Variants in SFXN5 observed in about 807,000 individuals in gnomAD.
SFXN5 encodes sideroflexin-5.
SFXN5 carries 43 observed loss-of-function variants against 50.2 expected under a neutral mutation model. The observed-to-expected ratio is 0.86, with a 90% CI of 0.67 to 1.11. The LOEUF is 1.11. SFXN5 is among the 50% of genes least tolerant of loss of function. The pLI is 0.00. For missense variants in SFXN5, 463 were observed against 454.1 expected (o/e 1.02, Z -0.18); for synonymous variants, 203 against 185.8 (o/e 1.09, Z -0.75).
chr2:72,997,329 A>G (rs999070008), intron 9 of SFXN5: 1 of 152,248 alleles, frequency 6.6e-6, no homozygotes, highest in African/African-American at 2.4e-5. Flanking sequence ...AGCCGTGAAC[A>G]GTTATTATAC....
intron 2 of SFXN5, among the ~76,000 whole-genome samples, chr2:73,046,408 CAAA>C (rs113423799): frequency 5.6e-5 from 6 of 108,072 alleles, no homozygotes; most frequent in Admixed American, 2.0e-4. Flanking sequence ...GACTCCATCT[CAAA>C]AAAAAAAAAA....
At chr2:72,983,209 G>A (rs1025943182) in intron 10 of SFXN5, among the ~76,000 whole-genome samples, 69 of 152,192 alleles carry the variant, frequency 4.5e-4, no homozygotes, top group African/African-American at 1.5e-3. Flanking sequence ...GTGTGGCCTT[G>A]GGGAGAAGGG....
intron 9 of SFXN5, among the ~76,000 whole-genome samples, chr2:72,994,385 T>C (rs1672966556): frequency 6.6e-6 from 1 of 152,162 alleles, no homozygotes; most frequent in Non-Finnish European, 1.5e-5. Context: ...GAACCCCTTC[T>C]TCTATGCCAG....
chr2:73,019,892 A>C (rs1020004237), intron 6 of SFXN5: 8 of 207,036 alleles, frequency 3.9e-5, no homozygotes, highest in African/African-American at 1.9e-4. Context: ...TTAAACTTTG[A>C]TTTTTCAGAA....
At position 73,026,062 on chromosome 2, in the gene SFXN5, G is replaced by C. The variant is rs1212209319; in HGVS notation, c.250-2848C>G. Reference sequence around the variant, plus strand: ...GACCCACAAGAGGGCTGGATTCGTGGACAGGCCATCAGCGCAATGCTGAGA... The same window carrying C: ...GACCCACAAGAGGGCTGGATTCGTGCACAGGCCATCAGCGCAATGCTGAGA... On this transcript the variant is annotated intron_variant, in intron 3 of 13. Coordinates refer to ENST00000272433, the MANE Select transcript of SFXN5 (RefSeq NM_144579.3). Among the ~76,000 whole-genome samples the C allele has an allele frequency of 2.0e-5, 3 of 152,076 alleles. No individual in the cohort carries two copies. In the South Asian group the frequency reaches 6.2e-4, roughly 32 times the overall value.
chr2:72,976,664 C>T (rs904794820), intron 10 of SFXN5, among the ~76,000 whole-genome samples: 1 of 152,162 alleles, frequency 6.6e-6, no homozygotes, highest in Non-Finnish European at 1.5e-5. Flanking sequence ...GTGAAGGAGG[C>T]TTAGACTCCA....
chr2:72,976,242 T>C (rs1670604725), intron 10 of SFXN5, among the ~76,000 whole-genome samples: 1 of 152,116 alleles, frequency 6.6e-6, no homozygotes, highest in Admixed American at 6.6e-5. Flanking sequence ...GAATTTTCTA[T>C]AATATTTAAA....
At chr2:73,029,386 C>T (rs560507824) in intron 3 of SFXN5, among the ~76,000 whole-genome samples, 1 of 152,250 alleles carries the variant, frequency 6.6e-6, no homozygotes, top group African/African-American at 2.4e-5. Context: ...AGAACGTGCT[C>T]AATAGTTTTG....
intron 11 of SFXN5, among the ~76,000 whole-genome samples, chr2:72,969,740 C>T (rs1223692025): frequency 6.7e-6 from 1 of 149,902 alleles, no homozygotes; most frequent in Non-Finnish European, 1.5e-5. Flanking sequence ...CAAAGATTTG[C>T]AAGATCTTGT....
At chr2:73,009,169 G>A (rs1675156462) in intron 6 of SFXN5, among the ~76,000 whole-genome samples, 1 of 152,310 alleles carries the variant, frequency 6.6e-6, no homozygotes, top group South Asian at 2.1e-4. Context: ...TTCTGCATGC[G>A]TATATTTTCT....
At chr2:73,040,984 A>C in intron 2 of SFXN5, 53 bp from the exon 3 acceptor site, 2 of 1,548,062 alleles carry the variant, frequency 1.3e-6, no homozygotes, top group South Asian at 2.3e-5. Context: ...GGCTCCCGCA[A>C]ATTTTTCTTT....
intron 12 of SFXN5, among the ~76,000 whole-genome samples, chr2:72,965,020 G>T (rs1406786443): frequency 6.6e-6 from 1 of 152,196 alleles, no homozygotes; most frequent in African/African-American, 2.4e-5. Flanking sequence ...TTGTTTTCCT[G>T]CCCAAATGTT....
At chr2:73,056,861 A>C (rs559139488) in intron 2 of SFXN5, among the ~76,000 whole-genome samples, 41 of 152,234 alleles carry the variant, frequency 2.7e-4, no homozygotes, top group Non-Finnish European at 5.4e-4. Context: ...TTTGAACAAC[A>C]GTTTGGCAGT....
chr2:73,064,132 G>A (rs1312723186), intron 1 of SFXN5, among the ~76,000 whole-genome samples: 1 of 152,230 alleles, frequency 6.6e-6, no homozygotes, highest in Non-Finnish European at 1.5e-5. Context: ...CCCCAGGGAA[G>A]AGCAGGCCTT....
chr2:73,022,630 A>C, intron 4 of SFXN5, 54 bp from the exon 5 acceptor site: 6 of 302,810 alleles, frequency 2.0e-5, no homozygotes, highest in East Asian at 8.5e-5. Flanking sequence ...AGGGAGGGGG[A>C]AGGGGGAAGG....
intron 3 of SFXN5, among the ~76,000 whole-genome samples, chr2:73,033,023 T>G (rs1678517997): frequency 6.6e-6 from 1 of 152,118 alleles, no homozygotes; most frequent in Admixed American, 6.5e-5. Flanking sequence ...AGTTGCAACT[T>G]CCCTATACAC....
chr2:73,040,510 T>A (rs1354877577), intron 3 of SFXN5, among the ~76,000 whole-genome samples: 1 of 152,220 alleles, frequency 6.6e-6, no homozygotes, highest in East Asian at 1.9e-4. Flanking sequence ...CCAACTTCTA[T>A]GGTATAAATA....
intron 10 of SFXN5, among the ~76,000 whole-genome samples, chr2:72,985,005 G>T (rs1671730175): frequency 1.3e-5 from 2 of 152,154 alleles, no homozygotes; most frequent in South Asian, 4.1e-4. Flanking sequence ...AGAAGTGTGA[G>T]AGCCTGGATG....
intron 2 of SFXN5, among the ~76,000 whole-genome samples, chr2:73,054,084 G>A (rs1681762071): frequency 6.6e-6 from 1 of 152,158 alleles, no homozygotes; most frequent in Non-Finnish European, 1.5e-5. Context: ...GAGGAGTATG[G>A]CCGCTATCTT....
Sources: gnomAD v4.1 joint callset for allele counts (sites outside exome capture counted in the v4.1 genomes callset) on GRCh38, gnomAD v4.1.1 for gene constraint, MANE v1.5 for transcripts, NCBI Gene and HGNC (gene_info 2026-07-23, HGNC 2026-07-21) for gene names.